The following LINC00237 variants were observed in gnomAD, a reference collection of about 807,000 sequenced individuals.
LINC00237 encodes long intergenic non-protein coding RNA 237.
chr20:21,091,468 A>C (rs928343464), intron 2 of LINC00237, among the ~76,000 whole-genome samples: 13 of 152,318 alleles, frequency 8.5e-5, no homozygotes, highest in African/African-American at 2.9e-4. Flanking sequence ...ATCCCTGAAA[A>C]GTGGAGCCAC....
intron 1 of LINC00237, among the ~76,000 whole-genome samples, chr20:21,105,039 G>T (rs1443786195): frequency 2.0e-5 from 3 of 152,198 alleles, no homozygotes; most frequent in Non-Finnish European, 4.4e-5. Context: ...CTAGGAGGAA[G>T]GTTCGGCCAC....
rs202131389 is a variant in LINC00237, at chr20:21,095,006, C to T, written n.89-1154G>A. Among the ~76,000 whole-genome samples, 6 of 152,246 alleles carry T rather than the reference C, an allele frequency of 3.9e-5. No homozygotes were observed. In the East Asian group the frequency reaches 9.7e-4, roughly 25 times the overall value. On this transcript the variant is annotated intron_variant and non_coding_transcript_variant, in intron 1 of 3. Coordinates refer to ENST00000691244, the Ensembl canonical transcript of LINC00237. ...GTGAGGTTGCAGTGAGCAGAGATCA[C>T]GCCACTGCACTCCAGCCTGGGTGAT...
rs562852542 is a variant in LINC00237 at position 21,086,269 on chromosome 20, A to AG, written n.560-382dup. Among the ~76,000 whole-genome samples, 232 of 152,216 alleles carry AG rather than the reference A, an allele frequency of 1.5e-3. 1 individual carries two copies. The highest frequency in any genetic ancestry group is 5.5e-3 in the African/African-American group (228 of 41,536). ...TTCACAAGACTTGCAGAAACATGAGAGATCTATAGAGAACTGCCTCTCAAC... is the reference window on the plus strand; with the variant it reads ...TTCACAAGACTTGCAGAAACATGAGAGGATCTATAGAGAACTGCCTCTCAAC... On this transcript the variant is annotated intron_variant and non_coding_transcript_variant, in intron 3 of 3. Transcript: ENST00000691244.
At position 21,101,737 on chromosome 20, in the gene LINC00237, G is replaced by A. The variant is rs964579040; in HGVS notation, n.88+4534C>T. On this transcript the variant is annotated intron_variant and non_coding_transcript_variant, in intron 1 of 3. Coordinates refer to ENST00000691244, the Ensembl canonical transcript of LINC00237. The surrounding 1 kb of genome is among the most constrained non-coding windows in gnomAD (Gnocchi z 4.3). Reference sequence around the variant, plus strand: ...GCCTGCCTCCTGGAAAAGCTGTCACGATTGGGCTTGGGCTTGGGCTTGGCC... The same window carrying A: ...GCCTGCCTCCTGGAAAAGCTGTCACAATTGGGCTTGGGCTTGGGCTTGGCC... 6.6e-6 allele frequency among the ~76,000 whole-genome samples: 1 copy of A among 152,394 alleles called. No homozygotes were observed. The highest frequency in any genetic ancestry group is 1.9e-4 in the East Asian group (1 of 5,188).
At chr20:21,100,013 T>C (rs1012147224) in intron 1 of LINC00237, among the ~76,000 whole-genome samples, 2 of 152,236 alleles carry the variant, frequency 1.3e-5, no homozygotes. Flanking sequence ...TTAATTCTTA[T>C]GCAAATTCTG....
exon 2 of LINC00237, chr20:21,093,786 C>T (rs1369243561): frequency 2.0e-5 from 3 of 152,304 alleles, no homozygotes; most frequent in Non-Finnish European, 4.4e-5. Flanking sequence ...ACTTCCTCCT[C>T]GTTTCTCCTT....
chr20:21,090,867 C>T (rs1014186255), intron 2 of LINC00237, among the ~76,000 whole-genome samples: 1 of 152,146 alleles, frequency 6.6e-6, no homozygotes, highest in Admixed American at 6.5e-5. Flanking sequence ...AAGGCCTGCC[C>T]GGAGATGCAT....
chr20:21,095,818 T>C (rs1440110083), intron 1 of LINC00237, among the ~76,000 whole-genome samples: 1 of 152,228 alleles, frequency 6.6e-6, no homozygotes, highest in South Asian at 2.1e-4. Context: ...GAACTTTTTC[T>C]TGGCCCCTGA....
chr20:21,094,319 T>C (rs1159504961), intron 1 of LINC00237, among the ~76,000 whole-genome samples: 2 of 152,336 alleles, frequency 1.3e-5, no homozygotes, highest in Admixed American at 6.5e-5. Flanking sequence ...GACTCCACTA[T>C]GTACTCAAAC....
rs2030935491 is a variant in LINC00237 at position 21,101,790 on chromosome 20, G to A, written n.88+4481C>T. On this transcript the variant is annotated intron_variant and non_coding_transcript_variant, in intron 1 of 3. Transcript: ENST00000691244. This position sits in a 1 kb window ranked among gnomAD's most constrained non-coding sequence, Gnocchi z 4.3. ...GGTCAAGAAAGGTTTCCTCGGCTGC[G>A]CCACCGTGGGGATGGAGGTGGGAGT... 6.6e-6 allele frequency among the ~76,000 whole-genome samples: 1 copy of A among 152,218 alleles called. No homozygotes were observed. Among genetic ancestry groups the A allele is most frequent in the Non-Finnish European group, 1.5e-5 (1 of 68,034 alleles).
intron 2 of LINC00237, among the ~76,000 whole-genome samples, chr20:21,091,041 A>G (rs962697345): frequency 1.3e-5 from 2 of 151,090 alleles, no homozygotes; most frequent in African/African-American, 4.9e-5. Flanking sequence ...CAGTGTGTAA[A>G]TGTGCGTGTG....
chr20:21,103,410 C>T (rs2030958873), intron 1 of LINC00237, among the ~76,000 whole-genome samples: 1 of 152,190 alleles, frequency 6.6e-6, no homozygotes, highest in South Asian at 2.1e-4. Flanking sequence ...CTACCAATAG[C>T]CACGGCTCGG....
chr20:21,090,752 C>G (rs962914276), intron 2 of LINC00237, among the ~76,000 whole-genome samples: 5 of 152,130 alleles, frequency 3.3e-5, no homozygotes, highest in African/African-American at 9.7e-5. Flanking sequence ...TCCCTGCTCT[C>G]CATGACTGCT....
intron 1 of LINC00237, among the ~76,000 whole-genome samples, chr20:21,094,283 C>A (rs1448838125): frequency 2.0e-5 from 3 of 152,210 alleles, no homozygotes; most frequent in African/African-American, 7.2e-5. Context: ...GTCTTTCTTT[C>A]AGCTTTGCAC....
chr20:21,097,391 G>T (rs868765786), intron 1 of LINC00237, among the ~76,000 whole-genome samples: 1 of 151,666 alleles, frequency 6.6e-6, no homozygotes, highest in Admixed American at 6.6e-5. Context: ...AAAAAAAGGG[G>T]GCAATGAAAG....
chr20:21,086,314 A>T (rs1174854087), intron 3 of LINC00237, among the ~76,000 whole-genome samples: 1 of 152,026 alleles, frequency 6.6e-6, no homozygotes, highest in Non-Finnish European at 1.5e-5. Flanking sequence ...ATCAAAATGT[A>T]CATTTACAAA....
At chr20:21,086,861 GTA>G (rs2030716613) in intron 3 of LINC00237, among the ~76,000 whole-genome samples, 1 of 127,122 alleles carries the variant, frequency 7.9e-6, no homozygotes, top group African/African-American at 3.0e-5. Context: ...CACTATATAT[GTA>G]TATAGTATAC....
chr20:21,097,242 A>G (rs1183450599), intron 1 of LINC00237, among the ~76,000 whole-genome samples: 1 of 152,220 alleles, frequency 6.6e-6, no homozygotes, highest in African/African-American at 2.4e-5. Context: ...TCATTTATAC[A>G]TTAAAATAGA....
At chr20:21,094,259 C>T (rs947818818) in intron 1 of LINC00237, among the ~76,000 whole-genome samples, 1 of 152,202 alleles carries the variant, frequency 6.6e-6, no homozygotes, top group Non-Finnish European at 1.5e-5. Context: ...ACTCTCTCCA[C>T]CCAGCCCTTC....
Sources: gnomAD v4.1 joint callset for allele counts (sites outside exome capture counted in the v4.1 genomes callset) on GRCh38, gnomAD v4.1.1 for gene constraint, Gnocchi (gnomAD v3.1) non-coding constraint, MANE v1.5 for transcripts, NCBI Gene and HGNC (gene_info 2026-07-23, HGNC 2026-07-21) for gene names.